Variants in FTO observed in about 807,000 individuals in gnomAD.
The protein encoded by FTO is alpha-ketoglutarate-dependent dioxygenase FTO.
A neutral mutation model predicts 63.9 loss-of-function variants in FTO; 47 were observed. That is an observed-to-expected ratio of 0.74 (90% CI 0.58 to 0.94). The LOEUF is 0.94. FTO is among the 40% of genes least tolerant of loss of function. The pLI, the probability that FTO is intolerant of heterozygous loss-of-function variation, is 0.00. For synonymous variants in FTO, 207 were observed against 224.4 expected, an observed-to-expected ratio of 0.92 and a Z score of 0.69; for missense variants, 562 against 618.1, an observed-to-expected ratio of 0.91 and a Z score of 0.96.
intron 8 of FTO, among the ~76,000 whole-genome samples, chr16:54,012,029 C>G (rs2084346083): frequency 6.6e-6 from 1 of 152,142 alleles, no homozygotes; most frequent in African/African-American, 2.4e-5. Context: ...CACTGTAATT[C>G]AAAAGCTAGA....
chr16:53,887,871 T>A (rs1033560646), intron 6 of FTO: 18 of 152,136 alleles, frequency 1.2e-4, no homozygotes, highest in Non-Finnish European at 2.5e-4. Flanking sequence ...ATAATTAGTT[T>A]TATATATATA....
intron 1 of FTO, among the ~76,000 whole-genome samples, chr16:53,800,166 T>G (rs1488607907): frequency 1.3e-5 from 2 of 152,120 alleles, no homozygotes; most frequent in Non-Finnish European, 2.9e-5. Context: ...TTTACTAGTT[T>G]AGGTGCATCC....
At chr16:53,927,056 AGGAAGTAACATGTTT>A (rs1283784869) in intron 7 of FTO, among the ~76,000 whole-genome samples, 1 of 152,204 alleles carries the variant, frequency 6.6e-6, no homozygotes, top group Non-Finnish European at 1.5e-5. Context: ...ATTATTTAAG[AGGAAGTAACATGTTT>A]GGACATATAC....
At chr16:53,739,537 C>A (rs919442952) in intron 1 of FTO, among the ~76,000 whole-genome samples, 2 of 152,050 alleles carry the variant, frequency 1.3e-5, no homozygotes, top group African/African-American at 4.8e-5. Flanking sequence ...TAGATGAAAA[C>A]CCCAAGGCAA....
chr16:53,781,687 G>T (rs2077592066), intron 1 of FTO, among the ~76,000 whole-genome samples: 2 of 152,218 alleles, frequency 1.3e-5, no homozygotes, highest in East Asian at 3.9e-4. Flanking sequence ...CAAAATGTTG[G>T]CTCCTTCAGC....
intron 8 of FTO, among the ~76,000 whole-genome samples, chr16:54,078,408 C>A (rs1285994055): frequency 6.9e-6 from 1 of 145,084 alleles, no homozygotes; most frequent in Non-Finnish European, 1.5e-5. Flanking sequence ...TTATAATATA[C>A]ATAAATTATA....
intron 8 of FTO, among the ~76,000 whole-genome samples, chr16:54,073,640 G>A (rs1293230932): frequency 4.0e-5 from 6 of 151,084 alleles, no homozygotes; most frequent in Non-Finnish European, 8.8e-5. Context: ...GAGGAGGGAG[G>A]TAGAGACTGT....
chr16:53,764,902 TAG>T (rs2077162712), intron 1 of FTO, among the ~76,000 whole-genome samples: 1 of 151,994 alleles, frequency 6.6e-6, no homozygotes, highest in Admixed American at 6.5e-5. Context: ...GTATTTTTAG[TAG>T]AGACAGGGTT....
chr16:54,028,508 C>T (rs759059612), intron 8 of FTO, among the ~76,000 whole-genome samples: 4 of 152,074 alleles, frequency 2.6e-5, no homozygotes, highest in Non-Finnish European at 5.9e-5. Context: ...TATGGTGTCA[C>T]TTGCAAAAAG....
chr16:53,869,287 A>T (rs895613736), intron 4 of FTO, among the ~76,000 whole-genome samples: 11 of 151,266 alleles, frequency 7.3e-5, no homozygotes, highest in African/African-American at 2.7e-4. Context: ...TTGCTCCGTT[A>T]TAGATAAGCT....
rs1246399960 is a variant in FTO at position 54,044,937 on chromosome 16, T to C, written c.1365-66825T>C. ...AGAACAAAGACACCACATAACAGAA[T>C]CTCTGGGACGCATTCAAAGCAGTGT... On this transcript the variant is annotated intron_variant, in intron 8 of 8. Coordinates refer to ENST00000471389, the MANE Select transcript of FTO (RefSeq NM_001080432.3). Among the ~76,000 whole-genome samples, 2 of 106,764 alleles carry C rather than the reference T, an allele frequency of 1.9e-5. 1 individual carries two copies. The highest frequency in any genetic ancestry group is 3.3e-5 in the Non-Finnish European group (2 of 60,030). The allele number at this position is 106,764 out of a possible 152,430, so 70.0% of individuals were successfully genotyped here.
chr16:54,033,147 AG>A (rs1351942696), intron 8 of FTO, among the ~76,000 whole-genome samples: 6 of 152,318 alleles, frequency 3.9e-5, no homozygotes, highest in East Asian at 1.9e-4. Context: ...TTAGGTTAAA[AG>A]GTTTTCTTAT....
At chr16:54,093,910 C>A (rs1461937025) in intron 8 of FTO, among the ~76,000 whole-genome samples, 2 of 152,160 alleles carry the variant, frequency 1.3e-5, no homozygotes, top group African/African-American at 4.8e-5. Context: ...GTGGCCCAGA[C>A]TGTCCCATGC....
chr16:53,844,646 A>T, intron 4 of FTO, among the ~76,000 whole-genome samples: 1 of 128,836 alleles, frequency 7.8e-6, no homozygotes, highest in East Asian at 2.4e-4. Flanking sequence ...TTTTTAGTAG[A>T]GATGGGTTTC....
chr16:53,904,811 G>T (rs72807788), intron 7 of FTO, among the ~76,000 whole-genome samples: 4,029 of 151,948 alleles, frequency 0.027, 71 homozygotes, highest in Non-Finnish European at 0.041. Context: ...TGCTCGCCTC[G>T]TTCTTCCTCC....
At chr16:53,784,915 G>A (rs2077694600) in intron 1 of FTO, among the ~76,000 whole-genome samples, 1 of 152,078 alleles carries the variant, frequency 6.6e-6, no homozygotes, top group Non-Finnish European at 1.5e-5. Context: ...CAGAGTGGGG[G>A]AAAGTGAGGA....
intron 8 of FTO, among the ~76,000 whole-genome samples, chr16:54,067,948 G>A (rs887428930): frequency 5.3e-5 from 8 of 152,032 alleles, no homozygotes; most frequent in South Asian, 2.1e-4. Flanking sequence ...CTGTCACTCA[G>A]TTTTACACAT....
intron 8 of FTO, among the ~76,000 whole-genome samples, chr16:54,107,469 T>C (rs951015218): frequency 5.3e-5 from 8 of 152,228 alleles, no homozygotes; most frequent in African/African-American, 1.2e-4. Flanking sequence ...TCTTGTTTTC[T>C]GGGCAGAAAT....
intron 1 of FTO, among the ~76,000 whole-genome samples, chr16:53,768,697 T>C (rs897608712): frequency 2.6e-5 from 4 of 152,170 alleles, no homozygotes; most frequent in Non-Finnish European, 5.9e-5. Context: ...ATCTGAAATA[T>C]GCATTTAATC....
Sources: allele counts gnomAD v4.1 joint callset (sites outside exome capture counted in the v4.1 genomes callset), GRCh38; gene constraint gnomAD v4.1.1; transcripts MANE v1.5; gene names NCBI Gene and HGNC (gene_info 2026-07-23, HGNC 2026-07-21).